Variants in TEKTL1 observed in about 807,000 individuals in gnomAD.
TEKTL1 encodes the protein tektin-like protein 1.
the TEKTL1 span, chr19:15,022,734 TC>T: frequency 1.1e-6 from 1 of 892,962 alleles, no homozygotes; most frequent in Non-Finnish European, 1.6e-6. Flanking sequence ...TTTTTTTTTT[TC>T]CAGGCACACC....
chr19:15,016,630 C>A, the TEKTL1 span, among the ~76,000 whole-genome samples: 1 of 151,990 alleles, frequency 6.6e-6, no homozygotes, highest in Non-Finnish European at 1.5e-5. Context: ...CCAAAGATAC[C>A]ATATTCAGAG....
the TEKTL1 span, among the ~76,000 whole-genome samples, chr19:15,020,879 C>CTT: frequency 0.33 from 47,004 of 144,524 alleles, 8,148 homozygotes; most frequent in East Asian, 0.56. Context: ...ACAGGCTCTG[C>CTT]TTTTTTTTTT....
At chr19:15,012,252 T>A in the TEKTL1 span, among the ~76,000 whole-genome samples, 1 of 151,332 alleles carries the variant, frequency 6.6e-6, no homozygotes, top group African/African-American at 2.4e-5. Context: ...CACAGTGAGA[T>A]CCCATCTCTC....
At chr19:15,021,518 A>G in the TEKTL1 span, 3 of 1,613,976 alleles carry the variant, frequency 1.9e-6, no homozygotes, top group African/African-American at 4.0e-5. Flanking sequence ...TTGGAGCTGA[A>G]GGTGAGCGCA....
the TEKTL1 span, chr19:15,021,542 C>T: frequency 1.6e-5 from 25 of 1,612,260 alleles, no homozygotes; most frequent in African/African-American, 2.7e-4. Flanking sequence ...CCTGCGGCTG[C>T]GGGCCAGGGT....
the TEKTL1 span, chr19:15,021,233 C>T: frequency 4.5e-6 from 6 of 1,332,800 alleles, no homozygotes; most frequent in South Asian, 2.9e-5. Context: ...TGGACTTTCA[C>T]CCAGTTCCTC....
At chr19:15,020,743 C>G in the TEKTL1 span, 1 of 1,197,498 alleles carries the variant, frequency 8.4e-7, no homozygotes, top group Non-Finnish European at 1.2e-6. Context: ...ACTTAGCTGT[C>G]CCTTTCCTGG....
At chr19:15,018,188 AC>A in the TEKTL1 span, among the ~76,000 whole-genome samples, 3 of 152,166 alleles carry the variant, frequency 2.0e-5, no homozygotes, top group Non-Finnish European at 4.4e-5. Context: ...TCCTGTCTCT[AC>A]TAAAAAATAC....
At chr19:15,023,252 T>A in the TEKTL1 span, 1 of 776,276 alleles carries the variant, frequency 1.3e-6, no homozygotes, top group Non-Finnish European at 2.0e-6. Context: ...GAATTATAAT[T>A]AAAAATAACA....
the TEKTL1 span, among the ~76,000 whole-genome samples, chr19:15,020,188 G>T: frequency 6.6e-6 from 1 of 150,392 alleles, no homozygotes; most frequent in Non-Finnish European, 1.5e-5. Context: ...TACTCCTGTA[G>T]TCCCAGCTAC....
chr19:15,016,511 G>C, the TEKTL1 span, among the ~76,000 whole-genome samples: 1 of 152,122 alleles, frequency 6.6e-6, no homozygotes, highest in African/African-American at 2.4e-5. Flanking sequence ...GCTGGTCACT[G>C]TATCCCCACC....
chr19:15,020,384 C>CA, the TEKTL1 span: 1 of 1,259,680 alleles, frequency 7.9e-7, no homozygotes, highest in Non-Finnish European at 1.1e-6. Flanking sequence ...CTCAAGCCTG[C>CA]AGCAGAGAAA....
chr19:15,011,048 G>A, the TEKTL1 span: 1 of 1,578,080 alleles, frequency 6.3e-7, no homozygotes, highest in South Asian at 1.2e-5. Context: ...GCGCTTCCGC[G>A]TGGAGATGAT....
At chr19:15,016,534 G>T in the TEKTL1 span, among the ~76,000 whole-genome samples, 1 of 152,158 alleles carries the variant, frequency 6.6e-6, no homozygotes, top group African/African-American at 2.4e-5. Context: ...CTGGCACATC[G>T]CCTGGCATCA....
At chr19:15,016,587 T>C in the TEKTL1 span, among the ~76,000 whole-genome samples, 1 of 152,214 alleles carries the variant, frequency 6.6e-6, no homozygotes, top group Non-Finnish European at 1.5e-5. Context: ...CAAAAGACTT[T>C]TTAAGTCTGC....
the TEKTL1 span, among the ~76,000 whole-genome samples, chr19:15,011,629 G>C: frequency 6.6e-6 from 1 of 151,994 alleles, no homozygotes; most frequent in Non-Finnish European, 1.5e-5. Context: ...AGCTACTTGG[G>C]AGGCTGAGGC....
chr19:15,015,025 T>G, the TEKTL1 span, among the ~76,000 whole-genome samples: 1 of 152,012 alleles, frequency 6.6e-6, no homozygotes, highest in African/African-American at 2.4e-5. Context: ...CATCTATATT[T>G]TAAAATAAAA....
At chr19:15,021,286 G>C in the TEKTL1 span, 4 of 1,582,290 alleles carry the variant, frequency 2.5e-6, no homozygotes, top group Non-Finnish European at 3.4e-6. Flanking sequence ...CCTGAGAATA[G>C]AGAGAGGGAC....
the TEKTL1 span, chr19:15,011,064 G>C: frequency 6.3e-7 from 1 of 1,576,926 alleles, no homozygotes; most frequent in African/African-American, 1.3e-5. Flanking sequence ...ATGATCAAAG[G>C]CGGCGGCACC....
Sources: allele counts gnomAD v4.1 joint callset (sites outside exome capture counted in the v4.1 genomes callset), GRCh38; gene constraint gnomAD v4.1.1; transcripts MANE v1.5; gene names NCBI Gene and HGNC (gene_info 2026-07-23, HGNC 2026-07-21).